Variants in CTNNA3 observed in about 807,000 individuals in gnomAD.
CTNNA3 encodes catenin alpha-3.
In CTNNA3, 76 loss-of-function variants were observed where a neutral mutation model predicts 95.7. The observed-to-expected ratio is 0.79, with a 90% CI of 0.66 to 0.96. The LOEUF is 0.96. CTNNA3 is among the 40% of genes least tolerant of loss of function. The probability of loss-of-function intolerance (pLI) is 0.00; values close to 1 mark genes in which losing one functional copy is unlikely to be tolerated. For synonymous variants in CTNNA3, 431 were observed against 374.4 expected, an observed-to-expected ratio of 1.15 and a Z score of -1.74; for missense variants, 1,191 against 1,089.8, an observed-to-expected ratio of 1.09 and a Z score of -1.31.
At chr10:67,115,988 A>C (rs952898028) in intron 7 of CTNNA3, among the ~76,000 whole-genome samples, 1 of 152,064 alleles carries the variant, frequency 6.6e-6, no homozygotes, top group African/African-American at 2.4e-5. Flanking sequence ...GTATTTGACA[A>C]AAAAATTTAA....
At chr10:66,911,884 T>C (rs1257642031) in intron 7 of CTNNA3, among the ~76,000 whole-genome samples, 1 of 152,186 alleles carries the variant, frequency 6.6e-6, no homozygotes, top group Non-Finnish European at 1.5e-5. Context: ...GAATCAGGAC[T>C]AATGGCCTGA....
chr10:66,289,525 T>C (rs1048474018), intron 12 of CTNNA3, among the ~76,000 whole-genome samples: 15 of 151,868 alleles, frequency 9.9e-5, no homozygotes, highest in Admixed American at 2.6e-4. Flanking sequence ...GAAATCTGAA[T>C]AGAAATTGAT....
At chr10:67,178,804 C>A (rs973371460) in intron 7 of CTNNA3, among the ~76,000 whole-genome samples, 6 of 151,794 alleles carry the variant, frequency 4.0e-5, no homozygotes, top group Non-Finnish European at 8.8e-5. Context: ...AAAATATTAT[C>A]TTCTAAGTTT....
chr10:67,579,382 C>A (rs1842297491), intron 3 of CTNNA3, among the ~76,000 whole-genome samples: 1 of 152,060 alleles, frequency 6.6e-6, no homozygotes, highest in Admixed American at 6.5e-5. Context: ...AGGACATCAA[C>A]CCATCCTTTT....
At chr10:67,656,060 C>G (rs543502162) in intron 1 of CTNNA3, among the ~76,000 whole-genome samples, 1 of 152,130 alleles carries the variant, frequency 6.6e-6, no homozygotes, top group Non-Finnish European at 1.5e-5. Flanking sequence ...AAGAAGACAA[C>G]TGTAATATAA....
intron 5 of CTNNA3, among the ~76,000 whole-genome samples, chr10:67,422,900 T>C (rs1342512919): frequency 6.6e-6 from 1 of 152,104 alleles, no homozygotes; most frequent in African/African-American, 2.4e-5. Context: ...AATATTAATC[T>C]GTCAAAAGGA....
At chr10:66,952,594 C>T (rs1184680605) in intron 7 of CTNNA3, among the ~76,000 whole-genome samples, 1 of 151,930 alleles carries the variant, frequency 6.6e-6, no homozygotes, top group Non-Finnish European at 1.5e-5. Context: ...TGATGTACTA[C>T]TTAAGCAATA....
At chr10:65,925,480 A>G (rs1316884993) in intron 17 of CTNNA3, among the ~76,000 whole-genome samples, 1 of 152,104 alleles carries the variant, frequency 6.6e-6, no homozygotes, top group Non-Finnish European at 1.5e-5. Context: ...TCTGTTGTCC[A>G]GACTGGAGTG....
chr10:66,323,574 C>T (rs540661534), intron 12 of CTNNA3, among the ~76,000 whole-genome samples: 3 of 151,662 alleles, frequency 2.0e-5, no homozygotes, highest in African/African-American at 7.2e-5. Context: ...ATCGCTTGAA[C>T]CCAGGAGGCG....
intron 9 of CTNNA3, among the ~76,000 whole-genome samples, chr10:66,717,361 A>G (rs1242070752): frequency 6.6e-6 from 1 of 152,122 alleles, no homozygotes; most frequent in Non-Finnish European, 1.5e-5. Context: ...TTATCTTTAT[A>G]CCTTCTGATA....
chr10:66,775,318 T>C (rs923862926), intron 8 of CTNNA3, 126 bp downstream of exon 8: 19 of 558,872 alleles, frequency 3.4e-5, no homozygotes, highest in Non-Finnish European at 5.6e-5. Context: ...AAAGTATATA[T>C]TTACTCTTTT....
chr10:66,866,092 C>T (rs982990350), intron 7 of CTNNA3, among the ~76,000 whole-genome samples: 3 of 152,066 alleles, frequency 2.0e-5, no homozygotes, highest in Non-Finnish European at 4.4e-5. Flanking sequence ...TAACACTACA[C>T]CTTGAGAAAA....
intron 6 of CTNNA3, among the ~76,000 whole-genome samples, chr10:67,208,144 G>C (rs928683381): frequency 6.6e-6 from 1 of 152,074 alleles, no homozygotes; most frequent in Non-Finnish European, 1.5e-5. Context: ...AGGCTGAGGT[G>C]GGTGGATCAC....
intron 7 of CTNNA3, among the ~76,000 whole-genome samples, chr10:66,805,543 G>T (rs1183233348): frequency 6.7e-6 from 1 of 148,700 alleles, no homozygotes; most frequent in African/African-American, 2.5e-5. Context: ...TTGTATTCTT[G>T]ATTATACAAG....
intron 5 of CTNNA3, among the ~76,000 whole-genome samples, chr10:67,362,534 T>A (rs546466886): frequency 1.8e-3 from 267 of 152,216 alleles, no homozygotes; most frequent in South Asian, 0.013. Context: ...TATATCATCT[T>A]AATAGATGCA....
chr10:67,342,099 C>CTT (rs764381058), intron 5 of CTNNA3, among the ~76,000 whole-genome samples: 57,355 of 83,644 alleles, frequency 0.69, 22,617 homozygotes, highest in Non-Finnish European at 0.84. Context: ...TATTTTTCTT[C>CTT]TTTTTTTTTT....
chr10:66,549,282 C>G (rs1485481373), intron 10 of CTNNA3, among the ~76,000 whole-genome samples: 2 of 152,194 alleles, frequency 1.3e-5, no homozygotes, highest in African/African-American at 4.8e-5. Flanking sequence ...AGGCGTGAGC[C>G]ACCACGCCCG....
At chr10:66,877,578 A>G (rs1018657767) in intron 7 of CTNNA3, among the ~76,000 whole-genome samples, 5 of 152,094 alleles carry the variant, frequency 3.3e-5, no homozygotes, top group South Asian at 4.1e-4. Context: ...CTCACCATTT[A>G]TCTGTGAGAT....
intron 7 of CTNNA3, among the ~76,000 whole-genome samples, chr10:67,001,942 T>A (rs907733845): frequency 6.6e-6 from 1 of 152,194 alleles, no homozygotes; most frequent in South Asian, 2.1e-4. Flanking sequence ...GGCTTCACCA[T>A]GGCTGGGAAA....
Sources: allele counts gnomAD v4.1 joint callset (sites outside exome capture counted in the v4.1 genomes callset), GRCh38; gene constraint gnomAD v4.1.1; transcripts MANE v1.5; gene names NCBI Gene and HGNC (gene_info 2026-07-23, HGNC 2026-07-21).